The following ST18 variants were observed in gnomAD, a reference collection of about 807,000 sequenced individuals.
The protein encoded by ST18 is ST18 C2H2C-type zinc finger transcription factor, also known as suppression of tumorigenicity 18 protein.
In ST18, 50 loss-of-function variants were observed where a neutral mutation model predicts 110.0. The ratio of observed to expected loss-of-function variants is 0.45; its 90% CI spans 0.36 to 0.58. The LOEUF is 0.58. Among genes scored for constraint, ST18 ranks in the 20% least tolerant of loss-of-function variants. ST18 has a pLI of 0.00. For missense variants in ST18, 1,306 were observed against 1,280.1 expected (o/e 1.02, Z -0.31); for synonymous variants, 461 against 452.4 (o/e 1.02, Z -0.24).
chr8:52,176,849 A>G (rs1455140296), intron 9 of ST18, among the ~76,000 whole-genome samples: 2 of 152,236 alleles, frequency 1.3e-5, no homozygotes, highest in Non-Finnish European at 2.9e-5. Context: ...TGTTTCTGTA[A>G]CTAGCTAGGT....
chr8:52,344,247 GC>G (rs1816582621), intron 2 of ST18, among the ~76,000 whole-genome samples: 1 of 7,884 alleles, frequency 1.3e-4, no homozygotes, highest in Non-Finnish European at 5.3e-4. Context: ...TATAAAAGAA[GC>G]CTTATTTTTT....
chr8:52,323,458 A>T (rs1489755958), intron 2 of ST18, among the ~76,000 whole-genome samples: 1 of 152,228 alleles, frequency 6.6e-6, no homozygotes, highest in Non-Finnish European at 1.5e-5. Flanking sequence ...TGTGGTGTCC[A>T]GCGTGCTGGG....
At chr8:52,355,732 T>C (rs1822423410) in intron 2 of ST18, among the ~76,000 whole-genome samples, 1 of 152,198 alleles carries the variant, frequency 6.6e-6, no homozygotes, top group African/African-American at 2.4e-5. Context: ...TCAGTGGTGA[T>C]GGTGAGGTCA....
At chr8:52,356,303 C>T (rs559858145) in intron 2 of ST18, among the ~76,000 whole-genome samples, 3 of 152,254 alleles carry the variant, frequency 2.0e-5, no homozygotes, top group African/African-American at 7.2e-5. Flanking sequence ...ATTGTTCTTT[C>T]TTTTTCTTTT....
At chr8:52,163,269 G>T (rs1053947016) in intron 13 of ST18, among the ~76,000 whole-genome samples, 1 of 152,144 alleles carries the variant, frequency 6.6e-6, no homozygotes, top group Non-Finnish European at 1.5e-5. Flanking sequence ...TCTTGAAAAC[G>T]TTGAAATGTC....
intron 2 of ST18, among the ~76,000 whole-genome samples, chr8:52,305,736 A>G (rs1273471898): frequency 6.6e-6 from 1 of 152,000 alleles, no homozygotes; most frequent in African/African-American, 2.4e-5. Context: ...TTCCTTCACA[A>G]TATCTCCAGA....
intron 2 of ST18, among the ~76,000 whole-genome samples, chr8:52,367,829 G>A (rs1016899226): frequency 1.3e-5 from 2 of 152,074 alleles, no homozygotes; most frequent in Non-Finnish European, 2.9e-5. Flanking sequence ...CTCAACCTAC[G>A]ACTCCAACCT....
At chr8:52,200,450 G>A (rs997917545) in intron 8 of ST18, among the ~76,000 whole-genome samples, 2 of 152,214 alleles carry the variant, frequency 1.3e-5, no homozygotes. Flanking sequence ...CAAGGCCTGA[G>A]GCTTCGGCAG....
At chr8:52,363,127 G>A (rs977264163) in intron 2 of ST18, among the ~76,000 whole-genome samples, 9 of 152,176 alleles carry the variant, frequency 5.9e-5, no homozygotes, top group African/African-American at 2.2e-4. Context: ...CAGGAGAATG[G>A]CGTGAGCCTG....
chr8:52,220,439 T>C (rs1443757253), intron 5 of ST18: 2 of 152,242 alleles, frequency 1.3e-5, no homozygotes, highest in African/African-American at 4.8e-5. Flanking sequence ...AACTGGATTT[T>C]GAAAACCATT....
intron 2 of ST18, among the ~76,000 whole-genome samples, chr8:52,278,001 A>G (rs1284033289): frequency 6.6e-6 from 1 of 152,198 alleles, no homozygotes; most frequent in Non-Finnish European, 1.5e-5. Flanking sequence ...GTATAAATGC[A>G]CAAAATATTA....
At chr8:52,293,563 C>T (rs1419501815) in intron 2 of ST18, among the ~76,000 whole-genome samples, 1 of 152,188 alleles carries the variant, frequency 6.6e-6, no homozygotes, top group African/African-American at 2.4e-5. Flanking sequence ...TAACATTTGT[C>T]ACAATGCTTT....
rs559671965 is a variant in ST18, at chr8:52,233,827, C to T, written c.-464-3750G>A. ...CTTTTTAAAGTAAATTAAATTTAAT[C>T]GAATTTGTTATTGGATATTGACACA... On this transcript the variant is annotated intron_variant, in intron 2 of 25. Coordinates refer to ENST00000689386, the MANE Select transcript of ST18 (RefSeq NM_001352837.2). 5.9e-5 allele frequency among the ~76,000 whole-genome samples: 9 copies of T among 152,156 alleles called. 1 individual carries two copies. The South Asian group carries it at 1.0e-3, about 18-fold the overall frequency.
rs570798885 is a variant in ST18, at chr8:52,366,539, C to T, written c.-465+42789G>A. On this transcript the variant is annotated intron_variant, in intron 2 of 25. Coordinates refer to ENST00000689386, the MANE Select transcript of ST18 (RefSeq NM_001352837.2). ...AGTCTTGCTCGTTTTCTCTGAGGAC[C>T]TTGGCACTTGCTATTTCCCCTGCCT... 5.3e-5 allele frequency among the ~76,000 whole-genome samples: 8 copies of T among 152,260 alleles called. No homozygotes were observed. The East Asian group carries it at 1.2e-3, about 22-fold the overall frequency.
In ST18 at chr8:52,166,874, G is replaced by C; in HGVS notation, c.1182C>G (p.His394Gln). Residue 394 changes from histidine to glutamine, a missense_variant, in exon 11 of 26, where the codon CAC (histidine) becomes CAG (glutamine). Coordinates refer to ENST00000689386, the MANE Select transcript of ST18 (RefSeq NM_001352837.2). ...PHHRSLSGCP[H>Q]KVRVPLEILA... ...CACTTTCCAGGGGAACCCGCACTTTGTGGGGGCACCCCGAAAGGCTGCGGT... is the reference window on the plus strand; with the variant it reads ...CACTTTCCAGGGGAACCCGCACTTTCTGGGGGCACCCCGAAAGGCTGCGGT... 1.3e-6 allele frequency: 2 copies of C among 1,595,278 alleles called. No individual in the cohort carries two copies. Among genetic ancestry groups the C allele is most frequent in the Non-Finnish European group, 1.7e-6 (2 of 1,166,160 alleles).
At chr8:52,367,737 T>C (rs1423001595) in intron 2 of ST18, among the ~76,000 whole-genome samples, 1 of 152,204 alleles carries the variant, frequency 6.6e-6, no homozygotes, top group Non-Finnish European at 1.5e-5. Context: ...CAAACCTGAC[T>C]AAACTGGTAG....
chr8:52,252,462 A>T (rs2094356801), intron 2 of ST18, among the ~76,000 whole-genome samples: 1 of 151,834 alleles, frequency 6.6e-6, no homozygotes, highest in Non-Finnish European at 1.5e-5. Flanking sequence ...GGAAACTTCA[A>T]ATCTTACTGG....
chr8:52,282,902 G>C (rs1589596256), intron 2 of ST18, among the ~76,000 whole-genome samples: 1 of 152,132 alleles, frequency 6.6e-6, no homozygotes, highest in Non-Finnish European at 1.5e-5. Flanking sequence ...GAGAACGGAA[G>C]GGTTTGGGCA....
At chr8:52,129,183 A>G (rs1563554828) in intron 22 of ST18, among the ~76,000 whole-genome samples, 1 of 152,228 alleles carries the variant, frequency 6.6e-6, no homozygotes, top group East Asian at 1.9e-4. Context: ...AATTCTACAT[A>G]GGCCAGGCAC....
Sources: allele counts gnomAD v4.1 joint callset (sites outside exome capture counted in the v4.1 genomes callset), GRCh38; gene constraint gnomAD v4.1.1; transcripts MANE v1.5; gene names NCBI Gene and HGNC (gene_info 2026-07-23, HGNC 2026-07-21).